Variants in MACROD2 observed in about 807,000 individuals in gnomAD.
MACROD2 encodes the protein mono-ADP ribosylhydrolase 2.
MACROD2 carries 36 observed loss-of-function variants against 70.4 expected under a neutral mutation model. The ratio of observed to expected loss-of-function variants is 0.51; its 90% CI spans 0.39 to 0.68. The LOEUF is 0.68. Ranked by LOEUF, MACROD2 falls within the 30% of genes least tolerant of loss-of-function variation. The pLI is 0.00. For missense variants in MACROD2, 496 were observed against 538.4 expected, an observed-to-expected ratio of 0.92 and a Z score of 0.78; for synonymous variants, 172 against 178.8, an observed-to-expected ratio of 0.96 and a Z score of 0.30.
chr20:14,884,903 A>G (rs2073654687), intron 5 of MACROD2, among the ~76,000 whole-genome samples: 1 of 152,168 alleles, frequency 6.6e-6, no homozygotes, highest in Admixed American at 6.5e-5. Context: ...CCAGGTATTT[A>G]TCAAGAGCCC....
chr20:15,835,034 G>T lies in MACROD2; in HGVS notation c.646-27711G>T, dbSNP rs73097300. 1.0e-2 allele frequency among the ~76,000 whole-genome samples: 1,518 copies of T among 152,258 alleles called. 12 individuals carry two copies. The highest frequency in any genetic ancestry group is 0.024 in the Middle Eastern group (7 of 294). ...GAGGAAGCCAACCTTCATGCCATTA[G>T]GATACTCAAGCAACCCTGCAGACAA... is the stretch of plus-strand genomic sequence containing the variant. On this transcript the variant is annotated intron_variant, in intron 8 of 17. Transcript: ENST00000684519.
chr20:14,311,470 A>AT (rs1219291502), intron 3 of MACROD2, among the ~76,000 whole-genome samples: 2 of 152,112 alleles, frequency 1.3e-5, no homozygotes, highest in Non-Finnish European at 2.9e-5. Context: ...CTAGCAATGC[A>AT]TTTTTTGAAC....
chr20:14,072,938 A>AG (rs1288013828), intron 2 of MACROD2, among the ~76,000 whole-genome samples: 2 of 151,954 alleles, frequency 1.3e-5, no homozygotes, highest in Non-Finnish European at 2.9e-5. Flanking sequence ...CGTCTAGAAA[A>AG]AAAAAAAAAA....
At chr20:14,417,784 C>T (rs983941201) in intron 3 of MACROD2, among the ~76,000 whole-genome samples, 1 of 152,116 alleles carries the variant, frequency 6.6e-6, no homozygotes, top group Non-Finnish European at 1.5e-5. Flanking sequence ...GTTTTGAATC[C>T]TTCTTCAAGA....
chr20:15,830,404 A>G (rs183407364), intron 8 of MACROD2, among the ~76,000 whole-genome samples: 1 of 152,322 alleles, frequency 6.6e-6, no homozygotes, highest in Admixed American at 6.5e-5. Flanking sequence ...GCTGGTGTCA[A>G]TATCTAAAAT....
intron 3 of MACROD2, among the ~76,000 whole-genome samples, chr20:14,449,028 A>C (rs1384609594): frequency 3.3e-5 from 5 of 152,084 alleles, no homozygotes; most frequent in Admixed American, 1.3e-4. Context: ...GCACAATAGG[A>C]AAGTTAGGTT....
chr20:15,127,640 T>G (rs1381234532), intron 5 of MACROD2, among the ~76,000 whole-genome samples: 4 of 152,090 alleles, frequency 2.6e-5, no homozygotes, highest in Admixed American at 6.6e-5. Context: ...TAAGTGAGGC[T>G]GCTCACCACT....
intron 7 of MACROD2, among the ~76,000 whole-genome samples, chr20:15,496,316 T>C (rs999249151): frequency 3.2e-4 from 49 of 152,208 alleles, no homozygotes; most frequent in African/African-American, 1.1e-3. Context: ...AGGAAGTTGT[T>C]GTGGAAGATG....
At chr20:14,063,835 C>A (rs1335665568) in intron 2 of MACROD2, among the ~76,000 whole-genome samples, 1 of 152,140 alleles carries the variant, frequency 6.6e-6, no homozygotes, top group Non-Finnish European at 1.5e-5. Context: ...TCAGGTGATC[C>A]TCCCACCTCA....
intron 5 of MACROD2, among the ~76,000 whole-genome samples, chr20:14,803,150 T>C (rs764175248): frequency 2.6e-5 from 4 of 152,124 alleles, no homozygotes; most frequent in Non-Finnish European, 5.9e-5. Flanking sequence ...CCTTTGTAAG[T>C]TGTAATTGAG....
intron 3 of MACROD2, among the ~76,000 whole-genome samples, chr20:14,235,672 A>G (rs1456352109): frequency 1.3e-5 from 2 of 152,218 alleles, no homozygotes; most frequent in Non-Finnish European, 1.5e-5. Context: ...GAGCAGTTGC[A>G]TAACGTGGTC....
At chr20:15,021,043 T>C (rs2075165131) in intron 5 of MACROD2, among the ~76,000 whole-genome samples, 1 of 145,036 alleles carries the variant, frequency 6.9e-6, no homozygotes, top group Admixed American at 6.8e-5. Flanking sequence ...TATACGTATA[T>C]GCATACACAT....
intron 8 of MACROD2, among the ~76,000 whole-genome samples, chr20:15,558,323 A>G (rs569185657): frequency 6.6e-6 from 1 of 152,288 alleles, no homozygotes. Flanking sequence ...CAAACTTTCA[A>G]TCTGTGGCCT....
chr20:14,316,180 A>G (rs1247908045), intron 3 of MACROD2, among the ~76,000 whole-genome samples: 1 of 152,126 alleles, frequency 6.6e-6, no homozygotes, highest in Non-Finnish European at 1.5e-5. Context: ...ATTTCTGTCT[A>G]CCCTGAGTTT....
chr20:15,257,181 C>A (rs2077207019), intron 6 of MACROD2, among the ~76,000 whole-genome samples: 1 of 151,944 alleles, frequency 6.6e-6, no homozygotes, highest in Admixed American at 6.6e-5. Flanking sequence ...ATCTTTCTTA[C>A]AATATACATA....
intron 2 of MACROD2, among the ~76,000 whole-genome samples, chr20:14,081,905 G>C (rs2053999759): frequency 6.6e-6 from 1 of 152,182 alleles, no homozygotes; most frequent in South Asian, 2.1e-4. Flanking sequence ...AGAGCCTCAT[G>C]TTAGTTTTTA....
chr20:16,038,258 AAC>A (rs1405427286), intron 15 of MACROD2, among the ~76,000 whole-genome samples: 9 of 151,918 alleles, frequency 5.9e-5, no homozygotes, highest in Admixed American at 5.9e-4. Flanking sequence ...TCGGAATCAT[AAC>A]AGTCTTGAAA....
chr20:14,295,059 T>C (rs2082415977), intron 3 of MACROD2, among the ~76,000 whole-genome samples: 1 of 151,718 alleles, frequency 6.6e-6, no homozygotes, highest in Non-Finnish European at 1.5e-5. Flanking sequence ...ATTTCACCCT[T>C]AACTATATTT....
chr20:15,926,012 T>G (rs2065484390), intron 10 of MACROD2, among the ~76,000 whole-genome samples: 1 of 152,208 alleles, frequency 6.6e-6, no homozygotes, highest in African/African-American at 2.4e-5. Context: ...CCAAACTGGC[T>G]ACACATGCTG....
Sources: allele counts gnomAD v4.1 joint callset (sites outside exome capture counted in the v4.1 genomes callset), GRCh38; gene constraint gnomAD v4.1.1; transcripts MANE v1.5; gene names NCBI Gene and HGNC (gene_info 2026-07-23, HGNC 2026-07-21).